The following PHACTR1 variants were observed in gnomAD, a reference collection of about 807,000 sequenced individuals.
The protein encoded by PHACTR1 is RPEL repeat containing 1.
Under a neutral mutation model 69.2 loss-of-function variants are expected in PHACTR1, and 16 were observed. That is an observed-to-expected ratio of 0.23 (90% confidence interval 0.16 to 0.35). PHACTR1 has a LOEUF of 0.35. Ranked by LOEUF, PHACTR1 falls within the 10% of genes least tolerant of loss-of-function variation. The probability of loss-of-function intolerance (pLI) is 1.00; values close to 1 mark genes in which losing one functional copy is unlikely to be tolerated. For missense variants in PHACTR1, 510 were observed against 734.7 expected (o/e 0.69, Z 3.54); for synonymous variants, 312 against 284.5 (o/e 1.10, Z -0.97).
chr6:12,956,652 G>A (rs560733468), intron 4 of PHACTR1, among the ~76,000 whole-genome samples: 1 of 152,194 alleles, frequency 6.6e-6, no homozygotes, highest in African/African-American at 2.4e-5. Flanking sequence ...TATGAGGATC[G>A]AGGTCAGGGC....
At chr6:13,079,658 A>G (rs1811071064) in intron 5 of PHACTR1, among the ~76,000 whole-genome samples, 1 of 152,182 alleles carries the variant, frequency 6.6e-6, no homozygotes, top group Non-Finnish European at 1.5e-5. Context: ...AATGCCCAGT[A>G]CCTGCTTGCA....
intron 6 of PHACTR1, among the ~76,000 whole-genome samples, chr6:13,165,996 C>T (rs1759747608): frequency 6.6e-6 from 1 of 152,238 alleles, no homozygotes; most frequent in African/African-American, 2.4e-5. Context: ...CCTGCATGGT[C>T]TGCCCTCCAA....
chr6:13,072,577 G>A (rs1328454878), intron 5 of PHACTR1, among the ~76,000 whole-genome samples: 1 of 152,002 alleles, frequency 6.6e-6, no homozygotes, highest in South Asian at 2.1e-4. Context: ...TTGACCTTAT[G>A]TCATAGTAGA....
chr6:12,848,782 CT>C (rs1382632598), intron 4 of PHACTR1, among the ~76,000 whole-genome samples: 1 of 152,156 alleles, frequency 6.6e-6, no homozygotes, highest in African/African-American at 2.4e-5. Flanking sequence ...ATGAACTCCC[CT>C]GAGAAAGAAA....
chr6:13,020,727 G>C (rs1405345011), intron 4 of PHACTR1, among the ~76,000 whole-genome samples: 1 of 152,228 alleles, frequency 6.6e-6, no homozygotes, highest in Non-Finnish European at 1.5e-5. Flanking sequence ...TATGTTTCTA[G>C]TGCTGAGAAC....
At chr6:12,917,941 C>T (rs1787198809) in intron 4 of PHACTR1, among the ~76,000 whole-genome samples, 2 of 152,116 alleles carry the variant, frequency 1.3e-5, no homozygotes, top group African/African-American at 2.4e-5. Context: ...GAATGCAATT[C>T]GTGTTCAATG....
chr6:13,257,478 C>T lies in PHACTR1; in HGVS notation c.1392-15382C>T, dbSNP rs76919229. The stretch of plus-strand genomic sequence containing the variant: ...CCCATCCAGCACCTTATCTGGAAAA[C>T]GTTCATCAGATATATCTTAAATCAT... On this transcript the variant is annotated intron_variant, in intron 10 of 14. Coordinates refer to ENST00000332995, the MANE Select transcript of PHACTR1 (RefSeq NM_030948.6). Among the ~76,000 whole-genome samples, 1,336 of 152,158 alleles carry T rather than the reference C, an allele frequency of 8.8e-3. 23 individuals are homozygous for T. The highest frequency in any genetic ancestry group is 0.029 in the African/African-American group (1,191 of 41,512).
At chr6:12,839,756 G>A (rs956330485) in intron 4 of PHACTR1, among the ~76,000 whole-genome samples, 2 of 152,152 alleles carry the variant, frequency 1.3e-5, no homozygotes, top group Admixed American at 6.5e-5. Context: ...AATGAATGAA[G>A]TAAGATCAAT....
intron 5 of PHACTR1, among the ~76,000 whole-genome samples, chr6:13,138,457 T>C (rs1447781036): frequency 6.6e-5 from 10 of 152,218 alleles, no homozygotes; most frequent in Non-Finnish European, 1.5e-4. Context: ...GTGTTGAACC[T>C]TCTCAGGCAG....
chr6:13,119,152 ATT>A (rs1442942302), intron 5 of PHACTR1, among the ~76,000 whole-genome samples: 1 of 152,088 alleles, frequency 6.6e-6, no homozygotes, highest in Admixed American at 6.6e-5. Flanking sequence ...CCCCAAGCAT[ATT>A]TCTCACATGG....
At chr6:12,733,674 C>T (rs182339348) in intron 3 of PHACTR1, among the ~76,000 whole-genome samples, 1 of 152,246 alleles carries the variant, frequency 6.6e-6, no homozygotes, top group African/African-American at 2.4e-5. Context: ...AGGATTAAAG[C>T]CCCTGCAGCC....
intron 4 of PHACTR1, among the ~76,000 whole-genome samples, chr6:12,963,464 A>G (rs570361315): frequency 6.6e-6 from 1 of 152,184 alleles, no homozygotes; most frequent in East Asian, 1.9e-4. Flanking sequence ...TAAAAAAAAA[A>G]AACAAACCAA....
intron 4 of PHACTR1, among the ~76,000 whole-genome samples, chr6:12,822,022 C>T (rs1022230727): frequency 9.2e-5 from 14 of 152,146 alleles, no homozygotes; most frequent in African/African-American, 2.7e-4. Context: ...TCCCCTCAGC[C>T]TGGGGCCAAG....
At chr6:13,185,088 C>G in intron 7 of PHACTR1, 3 of 1,106,194 alleles carry the variant, frequency 2.7e-6, no homozygotes, top group South Asian at 3.0e-5. Context: ...TGAACTGAGG[C>G]CTGAAGGCAG....
intron 4 of PHACTR1, among the ~76,000 whole-genome samples, chr6:13,007,694 A>G (rs1399710881): frequency 7.0e-6 from 1 of 142,864 alleles, no homozygotes; most frequent in Admixed American, 7.2e-5. Flanking sequence ...TAAGAGGTAG[A>G]CTACCCCAGC....
intron 4 of PHACTR1, among the ~76,000 whole-genome samples, chr6:12,978,158 G>A (rs1352853537): frequency 6.6e-6 from 1 of 152,060 alleles, no homozygotes; most frequent in Non-Finnish European, 1.5e-5. Context: ...AGTGCCCTTG[G>A]CTAGGCCCCT....
intron 4 of PHACTR1, among the ~76,000 whole-genome samples, chr6:13,051,767 G>T (rs1281103148): frequency 6.6e-6 from 1 of 152,138 alleles, no homozygotes; most frequent in East Asian, 1.9e-4. Context: ...CTCTGTTGTG[G>T]TATGTTCTTA....
chr6:13,105,869 T>C (rs1284918190), intron 5 of PHACTR1, among the ~76,000 whole-genome samples: 1 of 152,210 alleles, frequency 6.6e-6, no homozygotes, highest in Non-Finnish European at 1.5e-5. Flanking sequence ...TACAAGTGGA[T>C]TTTTTAAGAA....
intron 8 of PHACTR1, among the ~76,000 whole-genome samples, chr6:13,219,801 C>T (rs1349334604): frequency 2.0e-5 from 3 of 152,108 alleles, no homozygotes; most frequent in Admixed American, 6.6e-5. Flanking sequence ...TTATAGTCCA[C>T]GGTTTTTAAA....
Sources: gnomAD v4.1 joint callset for allele counts (sites outside exome capture counted in the v4.1 genomes callset) on GRCh38, gnomAD v4.1.1 for gene constraint, MANE v1.5 for transcripts, NCBI Gene and HGNC (gene_info 2026-07-23, HGNC 2026-07-21) for gene names.